Variants in PPP1R21 observed in about 807,000 individuals in gnomAD.
PPP1R21 encodes the protein KLRAQ motif containing 1.
A neutral mutation model predicts 112.8 loss-of-function variants in PPP1R21; 85 were observed. The observed-to-expected ratio is 0.75, with a 90% CI of 0.63 to 0.90. The LOEUF (loss-of-function observed/expected upper bound fraction) is 0.90, where lower values mean the gene tolerates loss of function less well. Among genes scored for constraint, PPP1R21 ranks in the 40% least tolerant of loss-of-function variants. The pLI is 0.00. For synonymous variants in PPP1R21, 381 were observed against 322.3 expected (o/e 1.18, Z -1.95); for missense variants, 1,199 against 901.5 (o/e 1.33, Z -4.23).
chr2:48,465,622 A>G lies in PPP1R21; in HGVS notation c.877A>G (p.Ile293Val), dbSNP rs145521877. ...IFPVDSAIDT[I>V]SPLNQKFSQY... Reference sequence around the variant, plus strand: ...TCCTGTTGATTCTGCCATTGACACTATATCTCCATTGAATCAGAAGGTAAA... The same window carrying G: ...TCCTGTTGATTCTGCCATTGACACTGTATCTCCATTGAATCAGAAGGTAAA... The change falls in exon 9 of 22, where the codon ATA (isoleucine) becomes GTA (valine). Residue 293 changes from isoleucine (I) to valine (V), a missense_variant. Transcript: ENST00000294952. 4.1e-5 allele frequency: 66 copies of G among 1,612,152 alleles called. No individual in the cohort carries two copies. The highest frequency in any genetic ancestry group is 3.3e-4 in the African/African-American group (25 of 74,952).
At chr2:48,468,393 A>G (rs1668298902) in intron 9 of PPP1R21, among the ~76,000 whole-genome samples, 1 of 152,188 alleles carries the variant, frequency 6.6e-6, no homozygotes, top group Non-Finnish European at 1.5e-5. Flanking sequence ...AAAATTAAAC[A>G]TTGGGCCTTT....
At chr2:48,506,560 A>C (rs975256280) in intron 18 of PPP1R21, among the ~76,000 whole-genome samples, 1 of 152,254 alleles carries the variant, frequency 6.6e-6, no homozygotes, top group Non-Finnish European at 1.5e-5. Flanking sequence ...TTTTTAAACT[A>C]AACTCAACAG....
chr2:48,456,208 GA>G (rs1186473509), intron 3 of PPP1R21, among the ~76,000 whole-genome samples: 1 of 151,386 alleles, frequency 6.6e-6, no homozygotes, highest in Admixed American at 6.6e-5. Context: ...CTCTAAGGTG[GA>G]TAATCTGGTA....
intron 11 of PPP1R21, among the ~76,000 whole-genome samples, chr2:48,474,380 TCAAA>T (rs1281150498): frequency 6.6e-6 from 1 of 152,166 alleles, no homozygotes; most frequent in Non-Finnish European, 1.5e-5. Flanking sequence ...AGACTCCGTC[TCAAA>T]CAAAAAAGAA....
At chr2:48,482,084 T>G (rs1200907586) in intron 13 of PPP1R21, among the ~76,000 whole-genome samples, 2 of 152,228 alleles carry the variant, frequency 1.3e-5, no homozygotes, top group African/African-American at 2.4e-5. Context: ...ACACTGCTGG[T>G]CCTAAGCTTT....
In PPP1R21 at chr2:48,492,292, ATTT is replaced by A. The variant is rs539151282; in HGVS notation, c.1599+1125_1599+1127del. On this transcript the variant is annotated intron_variant, in intron 15 of 21. Transcript: ENST00000294952. Reference sequence around the variant, plus strand: ...TAAGCATGCAATCTATAAACAAAGAATTTTTCTTCCTTCCTTCCTTCACTTTTC... The same window carrying A: ...TAAGCATGCAATCTATAAACAAAGAATTCTTCCTTCCTTCCTTCACTTTTC... 6.3e-4 allele frequency among the ~76,000 whole-genome samples: 96 copies of A among 152,170 alleles called. 1 individual carries two copies. The highest frequency in any genetic ancestry group is 2.2e-3 in the African/African-American group (92 of 41,518).
chr2:48,471,732 A>G (rs1156696907), intron 11 of PPP1R21, among the ~76,000 whole-genome samples: 1 of 152,176 alleles, frequency 6.6e-6, no homozygotes, highest in Middle Eastern at 3.2e-3. Flanking sequence ...GTGACTTGTT[A>G]TAAACTAAAA....
chr2:48,482,797 C>T (rs1238612469), intron 13 of PPP1R21, among the ~76,000 whole-genome samples: 2 of 151,896 alleles, frequency 1.3e-5, no homozygotes, highest in African/African-American at 4.8e-5. Flanking sequence ...CTTTTAAGTT[C>T]AGGGGTAAAT....
At chr2:48,485,989 C>T (rs1325848137) in intron 13 of PPP1R21, among the ~76,000 whole-genome samples, 1 of 147,548 alleles carries the variant, frequency 6.8e-6, no homozygotes, top group African/African-American at 2.5e-5. Flanking sequence ...TTAATATATA[C>T]AATTATATAT....
chr2:48,459,189 A>G (rs1372043059), intron 4 of PPP1R21, among the ~76,000 whole-genome samples: 1 of 151,636 alleles, frequency 6.6e-6, no homozygotes, highest in Admixed American at 6.6e-5. Flanking sequence ...ACACACACAC[A>G]CACACACAAA....
At chr2:48,489,875 C>T (rs1669478281) in intron 14 of PPP1R21, among the ~76,000 whole-genome samples, 1 of 152,066 alleles carries the variant, frequency 6.6e-6, no homozygotes, top group Admixed American at 6.6e-5. Context: ...GAAACCCCGT[C>T]TCTACTAAAA....
intron 12 of PPP1R21, chr2:48,479,589 T>C (rs1372427790): frequency 1.9e-6 from 1 of 514,402 alleles, no homozygotes; most frequent in Non-Finnish European, 3.9e-6. Context: ...CAGCAAATAA[T>C]GTGTAGGGAA....
At chr2:48,510,559 A>C (rs540450042) in intron 20 of PPP1R21, among the ~76,000 whole-genome samples, 2 of 152,272 alleles carry the variant, frequency 1.3e-5, no homozygotes, top group South Asian at 4.1e-4. Context: ...TAATAAAAAC[A>C]TGATGCCAGG....
At position 48,460,021 on chromosome 2, in the gene PPP1R21, G is replaced by C. The variant is rs1259904428; in HGVS notation, c.541-74G>C. The stretch of plus-strand genomic sequence containing the variant: ...GTCATTTCTGGTGAGACTTTTGCCT[G>C]CAGGGTCTTACTAAGTGTGCTCCTA... On this transcript the variant is annotated intron_variant, in intron 5 of 21. Coordinates refer to ENST00000294952, the MANE Select transcript of PPP1R21 (RefSeq NM_001135629.3). 1.9e-6 allele frequency: 3 copies of C among 1,594,546 alleles called. No homozygotes were observed. In the Admixed American group the frequency reaches 5.1e-5, roughly 27 times the overall value.
chr2:48,491,047 C>A lies in PPP1R21; in HGVS notation c.1476C>A (p.Asp492Glu). 1.2e-6 allele frequency: 2 copies of A among 1,614,054 alleles called. No homozygotes were observed. The highest frequency in any genetic ancestry group is 1.7e-6 in the Non-Finnish European group (2 of 1,179,938). Residue 492 changes from aspartate (D) to glutamate (E), a missense_variant, in exon 15 of 22, where the codon GAC becomes GAA. Asp to Glu is a conservative substitution (Grantham distance 45). Transcript: ENST00000294952. The stretch of plus-strand genomic sequence containing the variant: ...CATCCTTCTTCAGCAACAATTTGGA[C>A]TACTTCATTGCTTCACTGAGCTATG... The part of the protein sequence containing the change: ...KIASFFSNNL[D>E]YFIASLSYGP...
intron 9 of PPP1R21, among the ~76,000 whole-genome samples, chr2:48,469,527 T>C (rs892288250): frequency 8.4e-5 from 5 of 59,852 alleles, no homozygotes. Flanking sequence ...TATATATATA[T>C]ATATATATAG....
At position 48,454,693 on chromosome 2, in the gene PPP1R21, A is replaced by G. The variant is rs1179306883; in HGVS notation, c.225A>G (p.Leu75=). ...RNLQLAKRVE[L]LQDELALSEP... is the part of the protein sequence containing the mutation. ...TGCAGCTTGCCAAGAGGGTAGAACT[A>G]CTTCAAGATGAACTAGCTCTAAGTG... The change falls in exon 3 of 22, where the codon CTA becomes CTG. Residue 75 remains leucine (L), a synonymous_variant. Transcript: ENST00000294952. 2.5e-6 allele frequency: 4 copies of G among 1,614,202 alleles called. No homozygotes were observed. Among genetic ancestry groups the G allele is most frequent in the Admixed American group, 1.7e-5 (1 of 60,026 alleles).
chr2:48,515,073 A>G lies in PPP1R21; in HGVS notation c.*329A>G, dbSNP rs1000011858. The G allele has an allele frequency of 3.6e-6, 1 of 279,814 alleles. No individual in the cohort carries two copies. The highest frequency in any genetic ancestry group is 6.6e-6 in the Non-Finnish European group (1 of 151,992). 17.3% of individuals were successfully genotyped at this position (279,814 alleles called of 1,614,324 possible). A position where few individuals can be genotyped will look rare whatever the true frequency, so the allele number is the denominator to read the frequency against. On this transcript the variant is annotated 3_prime_UTR_variant, in exon 22 of 22. Coordinates refer to ENST00000294952, the MANE Select transcript of PPP1R21 (RefSeq NM_001135629.3). ...AGAACAAATATTTTGTATACTTTCA[A>G]ACTCAATTATATGGTAATCGATTTG...
Position 48,440,962 on chromosome 2 carries a change from G to A in PPP1R21, c.9G>A (p.Ser3=). The change falls in exon 1 of 22, where the codon TCG becomes TCA. Residue 3 remains serine, a synonymous_variant. Transcript: ENST00000294952. ...ACGGGGCGGGGGAGGCCATGGCCTC[G>A]GCTGAGTTGCAGGGGAAGTACCAGA... MA[S]AELQGKYQKL... The A allele has an allele frequency of 1.2e-6, 2 of 1,611,546 alleles. No individual in the cohort carries two copies. Among genetic ancestry groups the A allele is most frequent in the Non-Finnish European group, 8.5e-7 (1 of 1,178,500 alleles).
Sources: allele counts gnomAD v4.1 joint callset (sites outside exome capture counted in the v4.1 genomes callset), GRCh38; gene constraint gnomAD v4.1.1; transcripts MANE v1.5; gene names NCBI Gene and HGNC (gene_info 2026-07-23, HGNC 2026-07-21).